Variants in WWOX observed in about 807,000 individuals in gnomAD.
WWOX encodes the protein WW domain-containing oxidoreductase.
WWOX carries 69 observed loss-of-function variants against 46.2 expected under a neutral mutation model. The observed-to-expected ratio is 1.49, with a 90% CI of 1.23 to 1.82. The LOEUF (loss-of-function observed/expected upper bound fraction) is 1.82. Ranked by LOEUF, WWOX falls within the 40% of genes most tolerant of loss-of-function variation. The probability of loss-of-function intolerance (pLI) is 0.00; values close to 1 mark genes in which losing one functional copy is unlikely to be tolerated. For missense variants in WWOX, 919 were observed against 542.6 expected (o/e 1.69, Z -6.89); for synonymous variants, 359 against 202.6 (o/e 1.77, Z -6.56).
rs1435035991 is a variant in WWOX, at chr16:78,263,992, A to G, written c.516+99703A>G. Among the ~76,000 whole-genome samples, 4 of 53,318 alleles carry G rather than the reference A, an allele frequency of 7.5e-5. No individual in the cohort carries two copies. The East Asian group carries it at 4.0e-3, about 53-fold the overall frequency. 35.0% of individuals were successfully genotyped at this position (53,318 alleles called of 152,430 possible). On this transcript the variant is annotated intron_variant, in intron 5 of 8. Transcript: ENST00000566780. Reference sequence around the variant, plus strand: ...ACAAAGAAATATGTGTTTGGCTGTGAAATCTTTTTTTTTTTTTTTTTTTGT... The same window carrying G: ...ACAAAGAAATATGTGTTTGGCTGTGGAATCTTTTTTTTTTTTTTTTTTTGT...
chr16:78,717,066 T>C (rs1018784206), intron 8 of WWOX, among the ~76,000 whole-genome samples: 2 of 152,104 alleles, frequency 1.3e-5, no homozygotes, highest in African/African-American at 2.4e-5. Context: ...TTTAAAAGGG[T>C]AAATGGCTTC....
chr16:78,536,473 C>G (rs1273232302), intron 8 of WWOX, among the ~76,000 whole-genome samples: 2 of 151,990 alleles, frequency 1.3e-5, no homozygotes, highest in Non-Finnish European at 1.5e-5. Context: ...GCTGGGTTCT[C>G]TCTGCTTTAG....
At chr16:78,361,827 G>T (rs1158447790) in intron 5 of WWOX, among the ~76,000 whole-genome samples, 2 of 152,022 alleles carry the variant, frequency 1.3e-5, no homozygotes, top group Non-Finnish European at 2.9e-5. Context: ...GACCAGGCTG[G>T]TCTCAAACTC....
At chr16:78,122,721 C>T (rs561950466) in intron 4 of WWOX, among the ~76,000 whole-genome samples, 1 of 152,028 alleles carries the variant, frequency 6.6e-6, no homozygotes, top group Admixed American at 6.5e-5. Flanking sequence ...TCTCCTGCCT[C>T]AGCCTCCTGA....
intron 8 of WWOX, among the ~76,000 whole-genome samples, chr16:78,741,367 C>T (rs1310485474): frequency 6.6e-6 from 1 of 151,020 alleles, no homozygotes; most frequent in Non-Finnish European, 1.5e-5. Flanking sequence ...TCGAGATCAG[C>T]CGGGCCAACC....
rs573213015 is a variant in WWOX, at chr16:78,315,154, T to C, written c.517-71706T>C. Among the ~76,000 whole-genome samples, 60 of 152,338 alleles carry C rather than the reference T, an allele frequency of 3.9e-4. 1 individual carries two copies. Among genetic ancestry groups the C allele is most frequent in the African/African-American group, 1.3e-3 (55 of 41,582 alleles). ...GCTATAGAAATAGCAAATTTTCTTA[T>C]GTAAGAAAACTCTGAACGCGAGGCC... On this transcript the variant is annotated intron_variant, in intron 5 of 8. Transcript: ENST00000566780.
chr16:78,103,858 T>C (rs1436103892), intron 1 of WWOX, among the ~76,000 whole-genome samples: 1 of 151,886 alleles, frequency 6.6e-6, no homozygotes, highest in Non-Finnish European at 1.5e-5. Context: ...GTGTGGGTGC[T>C]GTCGGCCTCT....
intron 5 of WWOX, among the ~76,000 whole-genome samples, chr16:78,291,427 C>T (rs576637511): frequency 2.0e-5 from 3 of 152,148 alleles, no homozygotes; most frequent in South Asian, 2.1e-4. Flanking sequence ...AACGTTTGCC[C>T]GCGAAGGCCA....
chr16:78,233,234 T>C (rs2037326417), intron 5 of WWOX, among the ~76,000 whole-genome samples: 1 of 152,236 alleles, frequency 6.6e-6, no homozygotes, highest in South Asian at 2.1e-4. Context: ...TTCACAGATA[T>C]GCAGATTTAT....
intron 8 of WWOX, among the ~76,000 whole-genome samples, chr16:78,575,903 T>C (rs1386500411): frequency 6.6e-6 from 1 of 150,694 alleles, no homozygotes; most frequent in Admixed American, 6.6e-5. Context: ...TCTTTTTACC[T>C]CTTTATATAA....
At chr16:78,597,235 G>C (rs952092351) in intron 8 of WWOX, among the ~76,000 whole-genome samples, 12 of 152,206 alleles carry the variant, frequency 7.9e-5, no homozygotes, top group African/African-American at 2.7e-4. Flanking sequence ...CATAGGTGCT[G>C]TTTCCATTGC....
At chr16:78,915,834 A>G (rs1460891399) in intron 8 of WWOX, among the ~76,000 whole-genome samples, 1 of 152,188 alleles carries the variant, frequency 6.6e-6, no homozygotes, top group African/African-American at 2.4e-5. Flanking sequence ...CCAATTTTTA[A>G]TCTTGATCAC....
At chr16:79,053,606 A>G (rs2048209423) in intron 8 of WWOX, among the ~76,000 whole-genome samples, 1 of 152,220 alleles carries the variant, frequency 6.6e-6, no homozygotes, top group Non-Finnish European at 1.5e-5. Context: ...TATTAATCTA[A>G]TTATATTCCG....
At chr16:78,374,213 C>G (rs1344517812) in intron 5 of WWOX, among the ~76,000 whole-genome samples, 1 of 152,186 alleles carries the variant, frequency 6.6e-6, no homozygotes, top group Non-Finnish European at 1.5e-5. Flanking sequence ...CTGTCTTTCT[C>G]TGTTTTCCTC....
At chr16:78,624,592 C>G (rs941488802) in intron 8 of WWOX, among the ~76,000 whole-genome samples, 2 of 152,186 alleles carry the variant, frequency 1.3e-5, no homozygotes, top group Non-Finnish European at 2.9e-5. Context: ...CTGAACCCAT[C>G]TAACTTGGCA....
chr16:78,595,131 A>G (rs2045457239), intron 8 of WWOX, among the ~76,000 whole-genome samples: 2 of 152,220 alleles, frequency 1.3e-5, no homozygotes, highest in Admixed American at 6.5e-5. Context: ...AGACATTGCA[A>G]ACCTGCAAAA....
chr16:78,800,153 A>G (rs754159083), intron 8 of WWOX, among the ~76,000 whole-genome samples: 40 of 152,172 alleles, frequency 2.6e-4, no homozygotes, highest in Non-Finnish European at 5.0e-4. Context: ...AATATCTTCA[A>G]TGCAATTATA....
chr16:78,810,266 A>G (rs762278576), intron 8 of WWOX, among the ~76,000 whole-genome samples: 6 of 152,308 alleles, frequency 3.9e-5, no homozygotes, highest in South Asian at 2.1e-4. Flanking sequence ...CTGATCTGCA[A>G]TTTCCACCTG....
intron 8 of WWOX, among the ~76,000 whole-genome samples, chr16:79,030,450 C>G (rs556302848): frequency 2.0e-5 from 3 of 152,270 alleles, no homozygotes; most frequent in Admixed American, 2.0e-4. Flanking sequence ...GCCTTTTGAT[C>G]TGCACGGGCA....
Sources: gnomAD v4.1 joint callset for allele counts (sites outside exome capture counted in the v4.1 genomes callset) on GRCh38, gnomAD v4.1.1 for gene constraint, MANE v1.5 for transcripts, NCBI Gene and HGNC (gene_info 2026-07-23, HGNC 2026-07-21) for gene names.